Variants in RIPK2 observed in about 807,000 individuals in gnomAD.
The protein encoded by RIPK2 is receptor interacting serine/threonine kinase 2.
Under a neutral mutation model 60.9 loss-of-function variants are expected in RIPK2, and 38 were observed. That is an observed-to-expected ratio of 0.62 (90% CI 0.48 to 0.82). The LOEUF is 0.82. Among genes scored for constraint, RIPK2 ranks in the 40% least tolerant of loss-of-function variants. RIPK2 has a pLI of 0.00. For synonymous variants in RIPK2, 225 were observed against 223.4 expected (o/e 1.01, Z -0.06); for missense variants, 518 against 647.0 (o/e 0.80, Z 2.16).
chr8:89,778,140 G>A (rs1046659143), intron 6 of RIPK2, among the ~76,000 whole-genome samples: 17 of 151,772 alleles, frequency 1.1e-4, no homozygotes, highest in Admixed American at 2.6e-4. Context: ...AAAAAATATA[G>A]GTTAACTGAA....
At chr8:89,782,426 G>A (rs1809515944) in intron 7 of RIPK2, among the ~76,000 whole-genome samples, 1 of 152,168 alleles carries the variant, frequency 6.6e-6, no homozygotes, top group East Asian at 1.9e-4. Flanking sequence ...TACCGTATAG[G>A]GAAGTTAGTC....
chr8:89,764,758 G>T (rs1022202730), intron 2 of RIPK2, among the ~76,000 whole-genome samples: 3 of 151,790 alleles, frequency 2.0e-5, no homozygotes, highest in African/African-American at 7.3e-5. Flanking sequence ...TTTATAAGCT[G>T]GAATGCAGAT....
Position 89,769,859 on chromosome 8 carries a change from A to T in RIPK2, c.571A>T (p.Ile191Phe). Residue 191 changes from isoleucine to phenylalanine, a missense_variant, in exon 4 of 11, where the codon ATC becomes TTC. Around this residue, in one of 3 missense-constraint regions of RIPK2, gnomAD observed 448 missense variants for 534.7 expected, o/e 0.84. Transcript: ENST00000220751. ...SKSAPEGGTI[I>F]YMPPENYEPG... ...ATCTGCACCAGAAGGAGGGACAATT[A>T]TCTATATGCCACCTGAAAACTATGA... is the stretch of plus-strand genomic sequence containing the variant. 6.2e-7 allele frequency: 1 copy of T among 1,609,210 alleles called. No individual in the cohort carries two copies. The highest frequency in any genetic ancestry group is 8.5e-7 in the Non-Finnish European group (1 of 1,177,244).
intron 7 of RIPK2, among the ~76,000 whole-genome samples, chr8:89,782,482 A>G (rs999080852): frequency 6.6e-6 from 1 of 152,162 alleles, no homozygotes; most frequent in Non-Finnish European, 1.5e-5. Context: ...GGACAACAGT[A>G]GAACACGAAT....
At chr8:89,767,767 CA>C (rs1809251956) in intron 3 of RIPK2, among the ~76,000 whole-genome samples, 1 of 151,700 alleles carries the variant, frequency 6.6e-6, no homozygotes, top group South Asian at 2.1e-4. Flanking sequence ...TTGTGATAAA[CA>C]GAATAAATCC....
In RIPK2 at chr8:89,790,780, A is replaced by G. The variant is rs1809664736; in HGVS notation, c.*364A>G. 1.0e-5 allele frequency: 2 copies of G among 192,206 alleles called. No individual in the cohort carries two copies. The highest frequency in any genetic ancestry group is 2.4e-5 in the African/African-American group (1 of 41,954). 11.9% of individuals were successfully genotyped at this position (192,206 alleles called of 1,614,324 possible). On this transcript the variant is annotated 3_prime_UTR_variant, in exon 11 of 11. Transcript: ENST00000220751. The stretch of plus-strand genomic sequence containing the variant: ...GTCTAAGATGCAATTTGATTTTATG[A>G]AGTATATACCCTTTACCCACCAGAG...
intron 6 of RIPK2, 123 bp downstream of exon 6, chr8:89,772,951 T>C (rs555435716): frequency 1.7e-5 from 10 of 594,212 alleles, no homozygotes; most frequent in Admixed American, 1.5e-4. Context: ...TAAATTATTT[T>C]CTGTCTTATC....
chr8:89,769,059 A>G (rs78771734), intron 3 of RIPK2, among the ~76,000 whole-genome samples: 1 of 151,832 alleles, frequency 6.6e-6, no homozygotes, highest in Non-Finnish European at 1.5e-5. Context: ...AAGCTTTTAA[A>G]TATTTAGTTA....
At chr8:89,781,862 A>G (rs1452449975) in intron 7 of RIPK2, among the ~76,000 whole-genome samples, 3 of 152,258 alleles carry the variant, frequency 2.0e-5, no homozygotes, top group Non-Finnish European at 4.4e-5. Flanking sequence ...CCGATAATAA[A>G]GTAGAACAAT....
chr8:89,775,172 C>T (rs371192021), intron 6 of RIPK2, among the ~76,000 whole-genome samples: 7 of 152,144 alleles, frequency 4.6e-5, no homozygotes, highest in East Asian at 1.9e-4. Context: ...GCACAGTGGC[C>T]CATGCCTGTA....
rs1809593141 is a variant in RIPK2, at chr8:89,786,681, T to C, written c.1118T>C (p.Leu373Ser). ...CCAGCTCCTCAAGACAATGATTTTTTATCTAGTATGTAGATTTTCCAATCA... is the reference window on the plus strand; with the variant it reads ...CCAGCTCCTCAAGACAATGATTTTTCATCTAGTATGTAGATTTTCCAATCA... ...SLPAPQDNDF[L>S]SRKAQDCYFM... The change falls in exon 9 of 11, where the codon TTA becomes TCA. Residue 373 changes from leucine to serine, a missense_variant. Physicochemically the swap from Leu to Ser is moderately radical, Grantham distance 145 (BLOSUM62 -2). This residue lies in a region of RIPK2 where 448 missense variants were observed against 534.7 expected (regional missense o/e 0.84). Coordinates refer to ENST00000220751, the MANE Select transcript of RIPK2 (RefSeq NM_003821.6). 1 of 1,530,974 alleles carries C rather than the reference T, an allele frequency of 6.5e-7. No individual in the cohort carries two copies. Among genetic ancestry groups the C allele is most frequent in the Non-Finnish European group, 9.0e-7 (1 of 1,115,358 alleles). 94.8% of individuals were successfully genotyped at this position (1,530,974 alleles called of 1,614,324 possible).
chr8:89,777,580 A>AGTGTGTGT (rs35518918), intron 6 of RIPK2, among the ~76,000 whole-genome samples: 5 of 151,110 alleles, frequency 3.3e-5, no homozygotes, highest in Admixed American at 3.3e-4. Context: ...GTACAGTGTG[A>AGTGTGTGT]GTGTGTGTGT....
In RIPK2 at chr8:89,765,495, A is replaced by T; in HGVS notation, c.482A>T (p.Lys161Met). 6.4e-7 allele frequency: 1 copy of T among 1,556,300 alleles called. No homozygotes were observed. Among genetic ancestry groups the T allele is most frequent in the Non-Finnish European group, 8.8e-7 (1 of 1,136,082 alleles). The change falls in exon 3 of 11, where the codon AAG becomes ATG. Residue 161 changes from lysine to methionine, a missense_variant and splice_region_variant. Around this residue, in one of 3 missense-constraint regions of RIPK2, gnomAD observed 448 missense variants for 534.7 expected, o/e 0.84. Transcript: ENST00000220751. ...TTATTGGACAATGAATTTCATGTTA[A>T]GGTAATTACTTTTTTAAAAAGTTTA... ...NILLDNEFHV[K>M]IADFGLSKWR...
chr8:89,786,433 C>T (rs1382369427), intron 8 of RIPK2, among the ~76,000 whole-genome samples, 160 bp from the exon 9 acceptor site: 2 of 151,584 alleles, frequency 1.3e-5, no homozygotes, highest in Admixed American at 1.3e-4. Flanking sequence ...TAGGTTGTGC[C>T]ACTGCACTCC....
chr8:89,783,289 A>C (rs1376796980), intron 7 of RIPK2, among the ~76,000 whole-genome samples: 16 of 152,230 alleles, frequency 1.1e-4, no homozygotes, highest in Non-Finnish European at 1.0e-4. Context: ...TTATATAGAC[A>C]GGAATAAACC....
Position 89,790,486 on chromosome 8 carries a change from T to C in RIPK2, c.*70T>C. On this transcript the variant is annotated 3_prime_UTR_variant, in exon 11 of 11. Transcript: ENST00000220751. ...ATATCTCTGTTGCTTTGACTTTTTT[T>C]ATATAAAATCCGTGAGTATTAAAGC... 1 of 1,164,244 alleles carries C rather than the reference T, an allele frequency of 8.6e-7. No homozygotes were observed. 72.1% of individuals were successfully genotyped at this position (1,164,244 alleles called of 1,614,324 possible). A position where few individuals can be genotyped will look rare whatever the true frequency, so the allele number is the denominator to read the frequency against.
chr8:89,789,512 G>C lies in RIPK2; in HGVS notation c.1285+30G>C, dbSNP rs753321108. Reference sequence around the variant, plus strand: ...ATATTTACTGTGAAACACCTTGTAAGTGATGCCATTGACCTTACATATCTG... The same window carrying C: ...ATATTTACTGTGAAACACCTTGTAACTGATGCCATTGACCTTACATATCTG... On this transcript the variant is annotated intron_variant, in intron 10 of 10. Transcript: ENST00000220751. The C allele has an allele frequency of 3.1e-6, 5 of 1,598,800 alleles. No individual in the cohort carries two copies. The East Asian group carries it at 8.9e-5, about 29-fold the overall frequency.
chr8:89,769,230 C>A (rs1480524807), intron 3 of RIPK2, among the ~76,000 whole-genome samples: 1 of 151,800 alleles, frequency 6.6e-6, no homozygotes, highest in Non-Finnish European at 1.5e-5. Context: ...TGAAATACTT[C>A]TTTTAGTGAT....
intron 3 of RIPK2, 112 bp from the exon 4 acceptor site, chr8:89,769,660 A>T (rs1226610804): frequency 8.9e-6 from 6 of 672,248 alleles, no homozygotes; most frequent in Non-Finnish European, 1.4e-5. Flanking sequence ...ATTAAAATAT[A>T]TTACATTTTC....
Sources: gnomAD v4.1 joint callset for allele counts (sites outside exome capture counted in the v4.1 genomes callset) on GRCh38, gnomAD v4.1.1 for gene constraint, gnomAD v4.1.1 regional missense constraint, MANE v1.5 for transcripts, NCBI Gene and HGNC (gene_info 2026-07-23, HGNC 2026-07-21) for gene names.